MACROD2: variants seen among roughly 807,000 people sequenced by gnomAD.
MACROD2 encodes the protein ADP-ribose glycohydrolase MACROD2.
In MACROD2, 36 loss-of-function variants were observed where a neutral mutation model predicts 70.4. The ratio of observed to expected loss-of-function variants is 0.51; its 90% CI spans 0.39 to 0.68. The LOEUF (loss-of-function observed/expected upper bound fraction) is 0.68, where lower values mean the gene tolerates loss of function less well. Ranked by LOEUF, MACROD2 falls within the 30% of genes least tolerant of loss-of-function variation. MACROD2 has a pLI of 0.00. For synonymous variants in MACROD2, 172 were observed against 178.8 expected (o/e 0.96, Z 0.30); for missense variants, 496 against 538.4 (o/e 0.92, Z 0.78).
chr20:15,287,995 A>G (rs2077507047), intron 6 of MACROD2, among the ~76,000 whole-genome samples: 3 of 152,312 alleles, frequency 2.0e-5, no homozygotes, highest in Middle Eastern at 6.8e-3. Context: ...TGTTGTTAAT[A>G]TAGAGAGATA....
chr20:14,637,292 C>T (rs1984835607), intron 4 of MACROD2, among the ~76,000 whole-genome samples: 1 of 152,130 alleles, frequency 6.6e-6, no homozygotes, highest in African/African-American at 2.4e-5. Context: ...AGAAAAAATC[C>T]ACTCTAATGA....
intron 5 of MACROD2, among the ~76,000 whole-genome samples, chr20:14,787,103 T>G (rs2072384117): frequency 6.6e-6 from 1 of 152,140 alleles, no homozygotes; most frequent in Admixed American, 6.5e-5. Context: ...TATTTATTTC[T>G]CATTTTTGAT....
At chr20:14,448,800 C>G (rs746362310) in intron 3 of MACROD2, among the ~76,000 whole-genome samples, 1 of 152,124 alleles carries the variant, frequency 6.6e-6, no homozygotes, top group Non-Finnish European at 1.5e-5. Flanking sequence ...GCTTGTTATA[C>G]GGAATGTATT....
intron 10 of MACROD2, among the ~76,000 whole-genome samples, chr20:15,907,602 T>A (rs1005455274): frequency 6.6e-6 from 1 of 152,224 alleles, no homozygotes; most frequent in Non-Finnish European, 1.5e-5. Flanking sequence ...TTTTGTTCTC[T>A]TTTTATTGTA....
chr20:15,999,517 G>A (rs1317577268), intron 15 of MACROD2, among the ~76,000 whole-genome samples: 1 of 152,070 alleles, frequency 6.6e-6, no homozygotes, highest in Non-Finnish European at 1.5e-5. Flanking sequence ...CAAATCTGTT[G>A]TTTCTTTATT....
At chr20:15,730,887 T>C (rs1163942076) in intron 8 of MACROD2, among the ~76,000 whole-genome samples, 1 of 61,040 alleles carries the variant, frequency 1.6e-5, no homozygotes, top group African/African-American at 4.5e-5. Context: ...TTATTTTTCT[T>C]TATTTTTGTC....
chr20:14,756,816 G>A (rs781741080), intron 5 of MACROD2, among the ~76,000 whole-genome samples: 33 of 152,222 alleles, frequency 2.2e-4, no homozygotes, highest in Non-Finnish European at 4.1e-4. Context: ...CGTGTCAACG[G>A]TGGGACCAGG....
At chr20:15,777,324 C>T (rs2051737858) in intron 8 of MACROD2, among the ~76,000 whole-genome samples, 1 of 151,930 alleles carries the variant, frequency 6.6e-6, no homozygotes, top group African/African-American at 2.4e-5. Flanking sequence ...TAATGAGGTT[C>T]CATATAAGAT....
At position 14,326,827 on chromosome 20, in the gene MACROD2, A is replaced by C; in HGVS notation, c.272-166652A>C. On this transcript the variant is annotated intron_variant, in intron 3 of 17. Transcript: ENST00000684519. The surrounding 1 kb of genome is among the most constrained non-coding windows in gnomAD (Gnocchi z 5.5). ...ATTCCGCACCAGGGACAGCTCTGTC[A>C]AATTAACTAGGTTGAAGAAAACTTT... 1 of 1,613,766 alleles carries C rather than the reference A, an allele frequency of 6.2e-7. No homozygotes were observed. Among genetic ancestry groups the C allele is most frequent in the Non-Finnish European group, 8.5e-7 (1 of 1,179,812 alleles).
At chr20:15,080,575 G>A (rs2075695741) in intron 5 of MACROD2, among the ~76,000 whole-genome samples, 2 of 151,772 alleles carry the variant, frequency 1.3e-5, no homozygotes, top group African/African-American at 2.4e-5. Flanking sequence ...TTTTTCTTCT[G>A]TATCTTCGCT....
chr20:14,987,569 C>T (rs545902523), intron 5 of MACROD2, among the ~76,000 whole-genome samples: 2 of 152,220 alleles, frequency 1.3e-5, no homozygotes, highest in East Asian at 1.9e-4. Flanking sequence ...TTTGAAAGTA[C>T]ACTGAGCGGA....
chr20:15,277,545 A>G (rs1193097296), intron 6 of MACROD2, among the ~76,000 whole-genome samples: 2 of 152,206 alleles, frequency 1.3e-5, no homozygotes, highest in African/African-American at 4.8e-5. Flanking sequence ...TGATCTTGTG[A>G]AAATACAGAT....
chr20:15,621,105 T>G (rs1384018200), intron 8 of MACROD2, among the ~76,000 whole-genome samples: 2 of 152,158 alleles, frequency 1.3e-5, no homozygotes, highest in Non-Finnish European at 2.9e-5. Context: ...TGTCACTTTG[T>G]TCATGCTGTT....
chr20:15,884,292 A>T (rs1453593245), intron 9 of MACROD2, among the ~76,000 whole-genome samples: 1 of 152,066 alleles, frequency 6.6e-6, no homozygotes, highest in Non-Finnish European at 1.5e-5. Context: ...GATGAAGGTG[A>T]ATAGAGAGGG....
chr20:14,170,525 G>T (rs2081211175), intron 3 of MACROD2, among the ~76,000 whole-genome samples: 1 of 152,144 alleles, frequency 6.6e-6, no homozygotes, highest in Admixed American at 6.6e-5. Flanking sequence ...TTTCTTCTAT[G>T]TCGATTTTGT....
intron 5 of MACROD2, among the ~76,000 whole-genome samples, chr20:15,183,597 A>G (rs1264207342): frequency 6.6e-6 from 1 of 152,172 alleles, no homozygotes; most frequent in Non-Finnish European, 1.5e-5. Flanking sequence ...TATATACTCA[A>G]ATAAAGCTAT....
chr20:15,930,455 T>A (rs2065557741), intron 10 of MACROD2, among the ~76,000 whole-genome samples: 1 of 152,192 alleles, frequency 6.6e-6, no homozygotes, highest in Non-Finnish European at 1.5e-5. Context: ...TATGCTGGGC[T>A]TGGAAAATAA....
intron 5 of MACROD2, among the ~76,000 whole-genome samples, chr20:14,977,415 A>C (rs1477091045): frequency 6.6e-6 from 1 of 150,686 alleles, no homozygotes; most frequent in Non-Finnish European, 1.5e-5. Flanking sequence ...TTAGTAGGTA[A>C]TATTTAAGTA....
At chr20:15,480,186 C>G (rs866527051) in intron 7 of MACROD2, among the ~76,000 whole-genome samples, 1 of 152,118 alleles carries the variant, frequency 6.6e-6, no homozygotes, top group Non-Finnish European at 1.5e-5. Context: ...ATGTGAGATG[C>G]AAGTACAGAA....
Sources: allele counts gnomAD v4.1 joint callset (sites outside exome capture counted in the v4.1 genomes callset), GRCh38; gene constraint gnomAD v4.1.1; non-coding constraint Gnocchi (gnomAD v3.1); transcripts MANE v1.5; gene names NCBI Gene and HGNC (gene_info 2026-07-23, HGNC 2026-07-21).